Variants in RBFOX3 observed in about 807,000 individuals in gnomAD.
RBFOX3 encodes RNA binding protein fox-1 homolog 3.
A neutral mutation model predicts 48.7 loss-of-function variants in RBFOX3; 17 were observed. The observed-to-expected ratio is 0.35, with a 90% CI of 0.24 to 0.52. The LOEUF (loss-of-function observed/expected upper bound fraction) is 0.52, where lower values mean the gene tolerates loss of function less well. Among genes scored for constraint, RBFOX3 ranks in the 20% least tolerant of loss-of-function variants. RBFOX3 has a pLI of 0.94. For missense variants in RBFOX3, 382 were observed against 497.5 expected, an observed-to-expected ratio of 0.77 and a Z score of 2.21; for synonymous variants, 212 against 209.5, an observed-to-expected ratio of 1.01 and a Z score of -0.10.
chr17:79,643,156 T>C, the RBFOX3 span, among the ~76,000 whole-genome samples: 1 of 152,192 alleles, frequency 6.6e-6, no homozygotes, highest in Non-Finnish European at 1.5e-5. Flanking sequence ...ATAAGAAGGC[T>C]AGATGGGTTA....
chr17:79,336,058 C>G (rs1459785387), intron 2 of RBFOX3, among the ~76,000 whole-genome samples: 2 of 152,186 alleles, frequency 1.3e-5, no homozygotes, highest in Admixed American at 1.3e-4. Context: ...CACACACATT[C>G]CTTCATTTCA....
chr17:79,332,717 C>CAGAA (rs2080549239), intron 2 of RBFOX3, among the ~76,000 whole-genome samples: 3 of 117,906 alleles, frequency 2.5e-5, no homozygotes, highest in South Asian at 3.0e-4. Context: ...GACAGAAAGA[C>CAGAA]AGAGCCTGAG....
chr17:79,244,676 T>C (rs1293328006), intron 3 of RBFOX3, among the ~76,000 whole-genome samples: 1 of 144,108 alleles, frequency 6.9e-6, no homozygotes, highest in African/African-American at 2.5e-5. Context: ...ACAAACACTG[T>C]CACAGGTGCC....
chr17:79,112,633 G>A (rs911720506), intron 5 of RBFOX3, among the ~76,000 whole-genome samples: 5 of 152,188 alleles, frequency 3.3e-5, no homozygotes, highest in South Asian at 2.1e-4. Context: ...GTGGGCCCCC[G>A]GGCCTGGACA....
chr17:79,321,712 T>C (rs2078546798), intron 2 of RBFOX3, among the ~76,000 whole-genome samples: 1 of 150,558 alleles, frequency 6.6e-6, no homozygotes, highest in Non-Finnish European at 1.5e-5. Flanking sequence ...TGGCTTTTTT[T>C]TTTTTTTTTT....
At chr17:79,569,485 C>T (rs938588610) in intron 1 of RBFOX3, among the ~76,000 whole-genome samples, 5 of 152,166 alleles carry the variant, frequency 3.3e-5, no homozygotes, top group East Asian at 1.9e-4. Flanking sequence ...CACCTGTTGA[C>T]GGACATTTGG....
intron 2 of RBFOX3, among the ~76,000 whole-genome samples, chr17:79,324,916 G>C (rs2079078133): frequency 6.6e-6 from 1 of 152,244 alleles, no homozygotes; most frequent in East Asian, 1.9e-4. Flanking sequence ...ACCATCCCAA[G>C]GACTATCCTC....
intron 4 of RBFOX3, among the ~76,000 whole-genome samples, chr17:79,183,987 C>T (rs902357787): frequency 1.3e-5 from 2 of 152,232 alleles, no homozygotes; most frequent in Non-Finnish European, 2.9e-5. Context: ...TCTCCGGCCG[C>T]TGCGGAGAGG....
intron 3 of RBFOX3, among the ~76,000 whole-genome samples, chr17:79,240,768 A>G (rs1253629433): frequency 6.6e-6 from 1 of 151,916 alleles, no homozygotes; most frequent in African/African-American, 2.4e-5. Flanking sequence ...GATTCACGCC[A>G]TTCTCCTGCC....
chr17:79,230,771 C>G (rs1267768740), intron 4 of RBFOX3, among the ~76,000 whole-genome samples: 1 of 152,130 alleles, frequency 6.6e-6, no homozygotes, highest in Admixed American at 6.5e-5. Flanking sequence ...TGTAGCTCGT[C>G]TCCTTCCACC....
At chr17:79,478,136 G>A (rs368492390) in intron 2 of RBFOX3, among the ~76,000 whole-genome samples, 20 of 152,198 alleles carry the variant, frequency 1.3e-4, no homozygotes, top group South Asian at 2.1e-4. Flanking sequence ...CCTGTGTCTC[G>A]GCTCAGCCCT....
At chr17:79,166,160 C>A (rs539681729) in intron 4 of RBFOX3, among the ~76,000 whole-genome samples, 1 of 143,200 alleles carries the variant, frequency 7.0e-6, no homozygotes, top group East Asian at 2.1e-4. Context: ...GTTCCCCCCC[C>A]GGGCAGGTAA....
chr17:79,480,124 G>C lies in RBFOX3; in HGVS notation c.-175+2330C>G, dbSNP rs2078568088. Among the ~76,000 whole-genome samples the C allele has an allele frequency of 6.6e-6, 1 of 152,224 alleles. No homozygotes were observed. The highest frequency in any genetic ancestry group is 6.5e-5 in the Admixed American group (1 of 15,290). ...GCCCCAGGACAGAAAGAGCCAGAAA[G>C]AGCAGTGGGATTCCTGCCCTCTAAA... On this transcript the variant is annotated intron_variant, in intron 2 of 14. Transcript: ENST00000693108. This position sits in a 1 kb window ranked among gnomAD's most constrained non-coding sequence, Gnocchi z 4.8.
chr17:79,549,755 T>C lies in RBFOX3; in HGVS notation c.-320+61071A>G, dbSNP rs551803075. On this transcript the variant is annotated intron_variant, in intron 1 of 14. Transcript: ENST00000693108. ...TGGGAAAGGAATCTGACTGTCACCA[T>C]GGGGCCAAATATCACAATGGAGAGG... Among the ~76,000 whole-genome samples, 208 of 152,288 alleles carry C rather than the reference T, an allele frequency of 1.4e-3. 1 individual carries two copies. The highest frequency in any genetic ancestry group is 4.8e-3 in the African/African-American group (200 of 41,564).
intron 3 of RBFOX3, among the ~76,000 whole-genome samples, chr17:79,247,065 C>T (rs1352016255): frequency 6.6e-6 from 1 of 152,208 alleles, no homozygotes; most frequent in East Asian, 1.9e-4. Flanking sequence ...AGAAACCAAC[C>T]TATTCATTCC....
intron 3 of RBFOX3, among the ~76,000 whole-genome samples, chr17:79,239,304 T>C (rs1392763535): frequency 6.6e-6 from 1 of 152,088 alleles, no homozygotes; most frequent in Non-Finnish European, 1.5e-5. Flanking sequence ...ACGGGCGTGC[T>C]CCCAGGGTCA....
At chr17:79,396,060 C>T (rs1450662340) in intron 2 of RBFOX3, among the ~76,000 whole-genome samples, 3 of 152,206 alleles carry the variant, frequency 2.0e-5, no homozygotes, top group African/African-American at 7.2e-5. Flanking sequence ...TGTCTGAGCC[C>T]CTGAGTCCTT....
intron 4 of RBFOX3, among the ~76,000 whole-genome samples, chr17:79,170,741 T>C (rs1241003210): frequency 6.6e-6 from 1 of 152,182 alleles, no homozygotes; most frequent in Non-Finnish European, 1.5e-5. Context: ...GAACTTTCCT[T>C]ACTTGTAAAT....
chr17:79,218,537 G>A (rs923600936), intron 4 of RBFOX3, among the ~76,000 whole-genome samples: 1 of 152,150 alleles, frequency 6.6e-6, no homozygotes, highest in African/African-American at 2.4e-5. Context: ...CTGGGGAGAG[G>A]GGGAGTTCTG....
Sources: allele counts gnomAD v4.1 joint callset (sites outside exome capture counted in the v4.1 genomes callset), GRCh38; gene constraint gnomAD v4.1.1; non-coding constraint Gnocchi (gnomAD v3.1); transcripts MANE v1.5; gene names NCBI Gene and HGNC (gene_info 2026-07-23, HGNC 2026-07-21).